Variants in GRIA1 observed in about 807,000 individuals in gnomAD.
GRIA1 encodes the protein glutamate receptor 1.
A neutral mutation model predicts 99.2 loss-of-function variants in GRIA1; 31 were observed. The ratio of observed to expected loss-of-function variants is 0.31; its 90% CI spans 0.23 to 0.42. The LOEUF is 0.42. Among genes scored for constraint, GRIA1 ranks in the 10% least tolerant of loss-of-function variants. GRIA1 has a pLI of 1.00. For missense variants in GRIA1, 782 were observed against 1,157.5 expected (o/e 0.68, Z 4.71); for synonymous variants, 438 against 432.4 (o/e 1.01, Z -0.16).
At chr5:153,531,983 C>G (rs1033835872) in intron 2 of GRIA1, among the ~76,000 whole-genome samples, 7 of 152,064 alleles carry the variant, frequency 4.6e-5, no homozygotes, top group Admixed American at 3.9e-4. Flanking sequence ...ACTTGAAAAC[C>G]CTCTCTAGGG....
intron 1 of GRIA1, among the ~76,000 whole-genome samples, chr5:153,491,849 T>C (rs148878502): frequency 4.5e-4 from 69 of 152,292 alleles, no homozygotes; most frequent in Non-Finnish European, 9.0e-4. Flanking sequence ...GTTGTTACAC[T>C]TCTCAAAGGC....
chr5:153,684,869 G>T (rs533775440), intron 7 of GRIA1, among the ~76,000 whole-genome samples: 3 of 152,296 alleles, frequency 2.0e-5, no homozygotes, highest in East Asian at 3.9e-4. Context: ...TGTAAAATTT[G>T]CTCAGTGCTC....
chr5:153,707,039 AAC>A (rs1305191961), intron 11 of GRIA1, among the ~76,000 whole-genome samples: 1 of 152,182 alleles, frequency 6.6e-6, no homozygotes, highest in East Asian at 1.9e-4. Flanking sequence ...GGGTCACTTG[AAC>A]CCGGGAGGCA....
intron 2 of GRIA1, among the ~76,000 whole-genome samples, chr5:153,635,141 T>C (rs910762355): frequency 3.3e-5 from 5 of 152,166 alleles, no homozygotes; most frequent in African/African-American, 4.8e-5. Flanking sequence ...GGAAAACCCA[T>C]TTGCACGTAT....
At chr5:153,758,935 A>G (rs1458669250) in intron 11 of GRIA1, among the ~76,000 whole-genome samples, 2 of 151,970 alleles carry the variant, frequency 1.3e-5, no homozygotes, top group Non-Finnish European at 2.9e-5. Flanking sequence ...CAATAACAAG[A>G]GGAACTTTGG....
rs1014027280 is a variant in GRIA1 at position 153,749,680 on chromosome 5, C to T, written c.1824-14754C>T. Among the ~76,000 whole-genome samples the T allele has an allele frequency of 2.6e-5, 4 of 152,144 alleles. No individual in the cohort carries two copies. In the East Asian group the frequency reaches 7.7e-4, roughly 29 times the overall value. On this transcript the variant is annotated intron_variant, in intron 11 of 15. Coordinates refer to ENST00000285900, the MANE Select transcript of GRIA1 (RefSeq NM_000827.4). ...CCAAACACCTTCCACCAGGCCCCAC[C>T]TCCAACACTGGGGATCAAATTTGAA...
intron 8 of GRIA1, among the ~76,000 whole-genome samples, chr5:153,692,162 G>A (rs1272388731): frequency 3.9e-5 from 6 of 152,092 alleles, no homozygotes; most frequent in Admixed American, 3.9e-4. Flanking sequence ...TGTCATTCAG[G>A]TCTCAGTCCA....
chr5:153,769,837 T>C (rs140874952), intron 12 of GRIA1, among the ~76,000 whole-genome samples: 2 of 152,202 alleles, frequency 1.3e-5, no homozygotes, highest in African/African-American at 4.8e-5. Context: ...TATGGCCTTA[T>C]TGAACAATAG....
In GRIA1 at chr5:153,700,490, G is replaced by C. The variant is rs755867240; in HGVS notation, c.1452+1417G>C. Among the ~76,000 whole-genome samples, 9 of 152,196 alleles carry C rather than the reference G, an allele frequency of 5.9e-5. No homozygotes were observed. In the South Asian group the frequency reaches 1.9e-3, roughly 32 times the overall value. ...TAAGTAAGGTGTGAGAGGAGAATGA[G>C]AAAACGCATGGTTTTTGTTGAGGAC... On this transcript the variant is annotated intron_variant, in intron 10 of 15. Transcript: ENST00000285900.
intron 2 of GRIA1, among the ~76,000 whole-genome samples, chr5:153,640,318 C>G (rs1753696421): frequency 6.6e-6 from 1 of 152,222 alleles, no homozygotes; most frequent in South Asian, 2.1e-4. Context: ...GGCATCAGGG[C>G]CTGGATGAAG....
chr5:153,539,662 G>A (rs1561624011), intron 2 of GRIA1, among the ~76,000 whole-genome samples: 1 of 152,172 alleles, frequency 6.6e-6, no homozygotes, highest in Admixed American at 6.5e-5. Flanking sequence ...CGGGCAAGCT[G>A]CACCTGAATT....
At chr5:153,697,375 A>G (rs759436123) in intron 8 of GRIA1, among the ~76,000 whole-genome samples, 1 of 152,226 alleles carries the variant, frequency 6.6e-6, no homozygotes, top group Non-Finnish European at 1.5e-5. Flanking sequence ...CCTTGTGCAC[A>G]ATAGCAGTTC....
intron 2 of GRIA1, 98 bp from the exon 3 acceptor site, chr5:153,646,830 G>A (rs976224434): frequency 7.7e-7 from 1 of 1,306,884 alleles, no homozygotes; most frequent in South Asian, 1.4e-5. Flanking sequence ...GTGGATAATT[G>A]ATGGGTTGGA....
chr5:153,781,357 TA>T (rs5872341), intron 13 of GRIA1, among the ~76,000 whole-genome samples: 13,449 of 144,194 alleles, frequency 0.093, 663 homozygotes, highest in Non-Finnish European at 0.1. Flanking sequence ...TTTAGAGGAA[TA>T]AAAAAAAAAA....
chr5:153,746,368 G>A (rs568315458), intron 11 of GRIA1, among the ~76,000 whole-genome samples: 54 of 152,284 alleles, frequency 3.5e-4, no homozygotes, highest in Non-Finnish European at 6.8e-4. Flanking sequence ...AAGTAAAATC[G>A]CTCCTTTTAA....
chr5:153,622,746 G>A (rs1767178374), intron 2 of GRIA1, among the ~76,000 whole-genome samples: 1 of 151,970 alleles, frequency 6.6e-6, no homozygotes, highest in Admixed American at 6.6e-5. Flanking sequence ...CCTTTTTTCA[G>A]GTAGTTACTC....
intron 8 of GRIA1, 43 bp from the exon 9 acceptor site, chr5:153,698,001 G>A (rs1441603853): frequency 3.7e-6 from 4 of 1,070,470 alleles, no homozygotes; most frequent in Admixed American, 1.7e-5. Flanking sequence ...CAGTTCAGAG[G>A]AGGCTGGCCC....
chr5:153,515,295 T>TA (rs1290621496), intron 2 of GRIA1, among the ~76,000 whole-genome samples: 3 of 152,202 alleles, frequency 2.0e-5, no homozygotes, highest in East Asian at 3.9e-4. Flanking sequence ...ACTGAGACTT[T>TA]AAAAAAAGAA....
intron 11 of GRIA1, among the ~76,000 whole-genome samples, chr5:153,708,041 TTC>T (rs1023194557): frequency 3.3e-5 from 5 of 152,176 alleles, no homozygotes; most frequent in Non-Finnish European, 5.9e-5. Context: ...AACTTGTTTT[TTC>T]TCCTTTATTT....
Sources: gnomAD v4.1 joint callset for allele counts (sites outside exome capture counted in the v4.1 genomes callset) on GRCh38, gnomAD v4.1.1 for gene constraint, MANE v1.5 for transcripts, NCBI Gene and HGNC (gene_info 2026-07-23, HGNC 2026-07-21) for gene names.